Variants in NDUFB1 observed in about 807,000 individuals in gnomAD.
NDUFB1 encodes NADH:ubiquinone oxidoreductase subunit B1, also known as NADH dehydrogenase [ubiquinone] 1 beta subcomplex subunit 1.
NDUFB1 carries 6 observed loss-of-function variants against 6.7 expected under a neutral mutation model. The observed-to-expected ratio is 0.89, with a 90% CI of 0.49 to 1.76. The LOEUF is 1.76. Ranked by LOEUF, NDUFB1 falls within the 40% of genes most tolerant of loss-of-function variation. The pLI is 0.01. For synonymous variants in NDUFB1, 17 were observed against 22.9 expected, an observed-to-expected ratio of 0.74 and a Z score of 0.74; for missense variants, 56 against 71.0, an observed-to-expected ratio of 0.79 and a Z score of 0.76.
chr14:92,121,309 G>C (rs28365934), intron 1 of NDUFB1: 8,642 of 446,422 alleles, frequency 0.019, 415 homozygotes, highest in East Asian at 0.15. Context: ...TCGCGGAGGG[G>C]AGGCAGCGTC....
At chr14:92,117,713 C>G in intron 1 of NDUFB1, 71 bp from the exon 2 acceptor site, 1 of 1,490,450 alleles carries the variant, frequency 6.7e-7, no homozygotes, top group Non-Finnish European at 9.2e-7. Context: ...TAAATTGCAT[C>G]TGGGCCAGGT....
At chr14:92,119,311 CA>C (rs10649810) in intron 1 of NDUFB1, among the ~76,000 whole-genome samples, 14,460 of 137,156 alleles carry the variant, frequency 0.11, 761 homozygotes, top group African/African-American at 0.15. Context: ...GATGCTGTCT[CA>C]AAAAAAAAAA....
intron 1 of NDUFB1, chr14:92,121,421 G>T: frequency 2.9e-6 from 2 of 684,940 alleles, no homozygotes; most frequent in Non-Finnish European, 2.4e-6. Context: ...TTCCTGTTAT[G>T]ACAGCCTCAG....
At chr14:92,120,111 G>T (rs1478233005) in intron 1 of NDUFB1, among the ~76,000 whole-genome samples, 1 of 152,002 alleles carries the variant, frequency 6.6e-6, no homozygotes, top group Non-Finnish European at 1.5e-5. Flanking sequence ...TAGTTGGATT[G>T]CCAATTTTCT....
At chr14:92,121,264 G>T in intron 1 of NDUFB1, 1 of 335,342 alleles carries the variant, frequency 3.0e-6, no homozygotes, top group Non-Finnish European at 5.6e-6. Flanking sequence ...TTAGCGAGAA[G>T]ACAGAAGGCT....
At position 92,116,237 on chromosome 14, in the gene NDUFB1, G is replaced by A. The variant is rs199919311; in HGVS notation, c.141-8C>T. 240 of 1,609,202 alleles carry A rather than the reference G, an allele frequency of 1.5e-4. No homozygotes were observed. The African/African-American group carries it at 2.9e-3, about 19-fold the overall frequency. On this transcript the variant is annotated splice_region_variant and splice_polypyrimidine_tract_variant and intron_variant, in intron 2 of 2. Transcript: ENST00000605997. ...TCACTGGGTTGCAATTCCCTGTGTGGAAAGCAAAAAAGGAAGAAATGGAAA... is the reference window on the plus strand; with the variant it reads ...TCACTGGGTTGCAATTCCCTGTGTGAAAAGCAAAAAAGGAAGAAATGGAAA...
intron 1 of NDUFB1, among the ~76,000 whole-genome samples, chr14:92,119,306 T>C (rs1286169871): frequency 8.5e-6 from 1 of 117,448 alleles, no homozygotes; most frequent in East Asian, 5.5e-4. Context: ...AGCGTGATGC[T>C]GTCTCAAAAA....
chr14:92,119,099 CCTAGGAGCTTGAGA>C (rs2068735648), intron 1 of NDUFB1: 1 of 182,098 alleles, frequency 5.5e-6, no homozygotes, highest in South Asian at 7.6e-5. Flanking sequence ...ATCGCTTGAG[CCTAGGAGCTTGAGA>C]CTAGCCTGGT....
At chr14:92,121,581 C>G in intron 1 of NDUFB1, 61 bp downstream of exon 1, 1 of 1,607,970 alleles carries the variant, frequency 6.2e-7, no homozygotes, top group South Asian at 1.1e-5. Flanking sequence ...TGCCTAGAAC[C>G]CTCCCCGCCA....
intron 2 of NDUFB1, among the ~76,000 whole-genome samples, chr14:92,116,587 G>A (rs1195427575): frequency 1.3e-5 from 2 of 151,134 alleles, no homozygotes; most frequent in South Asian, 2.1e-4. Context: ...CACCTGCCTC[G>A]GCCTCCCAAA....
At chr14:92,117,042 G>C (rs1444921504) in intron 2 of NDUFB1, among the ~76,000 whole-genome samples, 1 of 152,224 alleles carries the variant, frequency 6.6e-6, no homozygotes, top group Non-Finnish European at 1.5e-5. Flanking sequence ...AATGGGACCA[G>C]GCAGCTGCCA....
At chr14:92,117,721 G>A in intron 1 of NDUFB1, 79 bp from the exon 2 acceptor site, 4 of 1,394,910 alleles carry the variant, frequency 2.9e-6, no homozygotes, top group South Asian at 2.5e-5. Context: ...ATCTGGGCCA[G>A]GTGCGGTGGT....
At chr14:92,117,917 G>A in intron 1 of NDUFB1, 1 of 372,912 alleles carries the variant, frequency 2.7e-6, no homozygotes, top group Non-Finnish European at 5.0e-6. Flanking sequence ...AGAATTGCTT[G>A]AACCCAGGAG....
rs1335049408 is a variant in NDUFB1 at position 92,117,840 on chromosome 14, G to C, written c.-5-198C>G. 3 of 547,862 alleles carry C rather than the reference G, an allele frequency of 5.5e-6. No homozygotes were observed. In the African/African-American group the frequency reaches 5.7e-5, roughly 10 times the overall value. The allele number at this position is 547,862 out of a possible 1,614,324, so 33.9% of individuals were successfully genotyped here. ...TGGCAAAACCCCATTTCTACTAAAAGCACAAAAATTAGCCGGGTGTGGTGG... is the reference window on the plus strand; with the variant it reads ...TGGCAAAACCCCATTTCTACTAAAACCACAAAAATTAGCCGGGTGTGGTGG... On this transcript the variant is annotated intron_variant, in intron 1 of 2. Transcript: ENST00000605997.
chr14:92,117,683 T>A (rs776333661), intron 1 of NDUFB1, 41 bp from the exon 2 acceptor site: 12 of 1,591,066 alleles, frequency 7.5e-6, no homozygotes, highest in Non-Finnish European at 1.0e-5. Flanking sequence ...ACTGCTTTGT[T>A]TTTTTTTTGA....
chr14:92,119,030 G>T (rs1257131682), intron 1 of NDUFB1: 1 of 330,414 alleles, frequency 3.0e-6, no homozygotes, highest in Admixed American at 4.1e-5. Context: ...CTTTTATAGA[G>T]TGACTACTAG....
At chr14:92,119,782 T>TA (rs372752654) in intron 1 of NDUFB1, among the ~76,000 whole-genome samples, 7 of 151,344 alleles carry the variant, frequency 4.6e-5, no homozygotes, top group East Asian at 1.9e-4. Flanking sequence ...TTTTTTTTTT[T>TA]AAATAGTCTC....
At chr14:92,121,349 G>A (rs529792373) in intron 1 of NDUFB1, 9 of 505,994 alleles carry the variant, frequency 1.8e-5, no homozygotes, top group South Asian at 9.4e-5. Context: ...CGTGGGATCC[G>A]GGCCGGTCTT....
chr14:92,116,487 C>T (rs1233978274), intron 2 of NDUFB1, among the ~76,000 whole-genome samples: 1 of 151,562 alleles, frequency 6.6e-6, no homozygotes, highest in East Asian at 1.9e-4. Flanking sequence ...CTGTGTGCCA[C>T]CACACCGAGC....
Sources: allele counts gnomAD v4.1 joint callset (sites outside exome capture counted in the v4.1 genomes callset), GRCh38; gene constraint gnomAD v4.1.1; transcripts MANE v1.5; gene names NCBI Gene and HGNC (gene_info 2026-07-23, HGNC 2026-07-21).